ETV6: variants seen among roughly 807,000 people sequenced by gnomAD.
ETV6 encodes ETS variant transcription factor 6.
In ETV6, 16 loss-of-function variants were observed where a neutral mutation model predicts 51.1. The observed-to-expected ratio is 0.31, with a 90% CI of 0.21 to 0.48. The LOEUF (loss-of-function observed/expected upper bound fraction) is 0.48, where lower values mean the gene tolerates loss of function less well. ETV6 is among the 20% of genes least tolerant of loss of function. The probability of loss-of-function intolerance (pLI) is 0.99; values close to 1 mark genes in which losing one functional copy is unlikely to be tolerated. For missense variants in ETV6, 458 were observed against 594.8 expected (o/e 0.77, Z 2.39); for synonymous variants, 240 against 224.1 (o/e 1.07, Z -0.64).
chr12:11,740,574 A>G (rs564172606), intron 1 of ETV6, among the ~76,000 whole-genome samples: 107 of 25,272 alleles, frequency 4.2e-3, no homozygotes, highest in African/African-American at 4.9e-3. Context: ...TCCTAATTCT[A>G]TCACTGTTTA....
intron 2 of ETV6, among the ~76,000 whole-genome samples, chr12:11,794,619 A>C (rs1945650492): frequency 6.6e-6 from 1 of 152,152 alleles, no homozygotes; most frequent in African/African-American, 2.4e-5. Context: ...CTTGCACCTG[A>C]GTTTTTTATC....
chr12:11,665,241 C>T (rs375777892), intron 1 of ETV6, among the ~76,000 whole-genome samples: 22 of 152,338 alleles, frequency 1.4e-4, no homozygotes, highest in East Asian at 5.8e-4. Flanking sequence ...TCAAGTGATC[C>T]GCCCAACTCG....
chr12:11,872,424 TGAG>T (rs1289229485), intron 5 of ETV6, among the ~76,000 whole-genome samples: 1 of 152,196 alleles, frequency 6.6e-6, no homozygotes, highest in Non-Finnish European at 1.5e-5. Flanking sequence ...GGTTTAGACT[TGAG>T]GAGTTATTTT....
At chr12:11,672,458 T>C (rs192948911) in intron 1 of ETV6, among the ~76,000 whole-genome samples, 1 of 152,338 alleles carries the variant, frequency 6.6e-6, no homozygotes, top group East Asian at 1.9e-4. Context: ...GAAGGTGATT[T>C]ACGCTCTTGC....
At chr12:11,667,538 T>TTTC (rs56902570) in intron 1 of ETV6, among the ~76,000 whole-genome samples, 15,947 of 127,522 alleles carry the variant, frequency 0.13, 1,652 homozygotes, top group African/African-American at 0.34. Flanking sequence ...GTTTATTTTC[T>TTTC]TTTTTTTTTT....
chr12:11,809,777 A>G (rs1321629171), intron 2 of ETV6, among the ~76,000 whole-genome samples: 1 of 106,384 alleles, frequency 9.4e-6, no homozygotes, highest in Non-Finnish European at 1.9e-5. Flanking sequence ...CATCTTGGCT[A>G]TTGCTTGGAA....
At position 11,885,985 on chromosome 12, in the gene ETV6, A is replaced by G. The variant is rs764066255; in HGVS notation, c.1212A>G (p.Leu404=). Residue 404 remains leucine, a synonymous_variant, in exon 7 of 8, where the codon CTA becomes CTG. Coordinates refer to ENST00000396373, the MANE Select transcript of ETV6 (RefSeq NM_001987.5). Reference sequence around the variant, plus strand: ...GAGCCCTGCGCCACTACTACAAACTAAACATTATCAGGAAGGAGCCAGGAC... The same window carrying G: ...GAGCCCTGCGCCACTACTACAAACTGAACATTATCAGGAAGGAGCCAGGAC... The part of the protein sequence containing the change: ...MSRALRHYYK[L]NIIRKEPGQR... The G allele has an allele frequency of 9.9e-6, 16 of 1,613,880 alleles. No individual in the cohort carries two copies. The African/African-American group carries it at 1.9e-4, about 19-fold the overall frequency.
intron 1 of ETV6, among the ~76,000 whole-genome samples, chr12:11,714,186 TGAGAG>T (rs1292600238): frequency 6.6e-6 from 1 of 152,030 alleles, no homozygotes; most frequent in African/African-American, 2.4e-5. Flanking sequence ...ACGTTGGAGA[TGAGAG>T]GAAGGAGGAG....
intron 5 of ETV6, among the ~76,000 whole-genome samples, chr12:11,874,573 CACATATATGTGTGTATACACATATAT>C (rs1946941522): frequency 4.2e-4 from 2 of 4,794 alleles, no homozygotes; most frequent in African/African-American, 6.3e-4. Flanking sequence ...TGCGTGTGTA[CACATATATGTGTGTATACACATATAT>C]GTGTATGTGC....
intron 4 of ETV6, among the ~76,000 whole-genome samples, chr12:11,861,699 G>A (rs1946720628): frequency 6.6e-6 from 1 of 152,120 alleles, no homozygotes. Context: ...TCTGATCTTT[G>A]AGATAAGGGG....
chr12:11,733,775 A>G (rs1236599328), intron 1 of ETV6, among the ~76,000 whole-genome samples: 1 of 152,200 alleles, frequency 6.6e-6, no homozygotes, highest in Non-Finnish European at 1.5e-5. Context: ...ACACACACCC[A>G]CATACCCTGT....
chr12:11,720,477 G>T (rs532347978), intron 1 of ETV6, among the ~76,000 whole-genome samples: 1 of 152,308 alleles, frequency 6.6e-6, no homozygotes, highest in South Asian at 2.1e-4. Flanking sequence ...AAGCAATGGG[G>T]TAAAGGACTC....
intron 2 of ETV6, among the ~76,000 whole-genome samples, chr12:11,761,109 C>T (rs1409178866): frequency 1.3e-5 from 2 of 152,114 alleles, no homozygotes; most frequent in Non-Finnish European, 2.9e-5. Flanking sequence ...AAAACCCAGA[C>T]TTTTATTTTC....
In ETV6 at chr12:11,750,841, A is replaced by G. The variant is rs190765223; in HGVS notation, c.34-1609A>G. 32 of 465,034 alleles carry G rather than the reference A, an allele frequency of 6.9e-5. No individual in the cohort carries two copies. In the East Asian group the frequency reaches 1.6e-3, roughly 24 times the overall value. 28.8% of individuals were successfully genotyped at this position (465,034 alleles called of 1,614,324 possible). A position where few individuals can be genotyped will look rare whatever the true frequency, so the allele number is the denominator to read the frequency against. On this transcript the variant is annotated intron_variant, in intron 1 of 7. Coordinates refer to ENST00000396373, the MANE Select transcript of ETV6 (RefSeq NM_001987.5). ...TTGCTTTTTTCATCCCAAACCAAAC[A>G]CCAAAAAGTATAACCCATCCTTCAA... is the stretch of plus-strand genomic sequence containing the variant.
At chr12:11,858,210 T>C (rs541002627) in intron 4 of ETV6, among the ~76,000 whole-genome samples, 2 of 152,300 alleles carry the variant, frequency 1.3e-5, no homozygotes, top group East Asian at 3.9e-4. Context: ...TAGGTAGTTA[T>C]GTAGAAAGGA....
chr12:11,684,931 G>A (rs1864599456), intron 1 of ETV6, among the ~76,000 whole-genome samples: 1 of 152,162 alleles, frequency 6.6e-6, no homozygotes, highest in African/African-American at 2.4e-5. Context: ...CTAACAATCA[G>A]TGCTCGGAAA....
intron 1 of ETV6, among the ~76,000 whole-genome samples, chr12:11,662,313 C>A (rs1480598009): frequency 6.6e-6 from 1 of 152,212 alleles, no homozygotes. Context: ...GCAGGTCCCA[C>A]TGAAAGGCCT....
intron 5 of ETV6, among the ~76,000 whole-genome samples, chr12:11,882,385 T>C (rs948687943): frequency 4.6e-5 from 7 of 152,202 alleles, no homozygotes; most frequent in Admixed American, 2.0e-4. Context: ...AGAAATTGCA[T>C]TGGGAAGTGT....
intron 4 of ETV6, among the ~76,000 whole-genome samples, chr12:11,856,817 GAAAA>G (rs1404422302): frequency 1.3e-5 from 2 of 151,140 alleles, no homozygotes; most frequent in South Asian, 4.2e-4. Context: ...ATCTGGTTCT[GAAAA>G]AAAAATCTGT....
Sources: allele counts gnomAD v4.1 joint callset (sites outside exome capture counted in the v4.1 genomes callset), GRCh38; gene constraint gnomAD v4.1.1; transcripts MANE v1.5; gene names NCBI Gene and HGNC (gene_info 2026-07-23, HGNC 2026-07-21).